SCAI: variants seen among roughly 807,000 people sequenced by gnomAD.
The protein encoded by SCAI is suppressor of cancer cell invasion.
A neutral mutation model predicts 92.2 loss-of-function variants in SCAI; 24 were observed. That is an observed-to-expected ratio of 0.26 (90% CI 0.19 to 0.37). The LOEUF (loss-of-function observed/expected upper bound fraction) is 0.37, where lower values mean the gene tolerates loss of function less well. Ranked by LOEUF, SCAI falls within the 10% of genes least tolerant of loss-of-function variation. The probability of loss-of-function intolerance (pLI) is 1.00; values close to 1 mark genes in which losing one functional copy is unlikely to be tolerated. For synonymous variants in SCAI, 261 were observed against 258.6 expected, an observed-to-expected ratio of 1.01 and a Z score of -0.09; for missense variants, 450 against 736.2, an observed-to-expected ratio of 0.61 and a Z score of 4.50.
chr9:125,015,037 T>A (rs886926731), intron 9 of SCAI, among the ~76,000 whole-genome samples: 26 of 152,106 alleles, frequency 1.7e-4, no homozygotes, highest in Non-Finnish European at 3.4e-4. Flanking sequence ...TAATTCAAGA[T>A]GGATTAAAGA....
At chr9:125,040,632 A>G (rs2131107845) in intron 3 of SCAI, among the ~76,000 whole-genome samples, 1 of 151,526 alleles carries the variant, frequency 6.6e-6, no homozygotes, top group Non-Finnish European at 1.5e-5. Context: ...TTGTTTATTT[A>G]TTTATTTATT....
At chr9:125,059,959 A>T (rs957541276) in intron 2 of SCAI, among the ~76,000 whole-genome samples, 2 of 152,240 alleles carry the variant, frequency 1.3e-5, no homozygotes, top group African/African-American at 4.8e-5. Context: ...TCATAGTTGA[A>T]GACAGCATTC....
At chr9:125,139,717 G>A (rs1035764868) in intron 2 of SCAI, among the ~76,000 whole-genome samples, 1 of 152,148 alleles carries the variant, frequency 6.6e-6, no homozygotes, top group African/African-American at 2.4e-5. Context: ...GAAGCACAGA[G>A]GGATCCTAAG....
chr9:125,110,292 G>C (rs570982511), intron 2 of SCAI, among the ~76,000 whole-genome samples: 2 of 152,314 alleles, frequency 1.3e-5, no homozygotes, highest in East Asian at 3.9e-4. Context: ...ATATCTGTTA[G>C]AGAAGTAGAT....
chr9:125,113,893 C>T (rs183190238), intron 2 of SCAI, among the ~76,000 whole-genome samples: 3 of 151,882 alleles, frequency 2.0e-5, no homozygotes, highest in African/African-American at 4.8e-5. Flanking sequence ...AAGCGGGAGG[C>T]GGAGTCTGCG....
intron 14 of SCAI, among the ~76,000 whole-genome samples, chr9:124,978,009 T>C (rs890104089): frequency 9.9e-5 from 15 of 152,222 alleles, no homozygotes; most frequent in Admixed American, 8.5e-4. Flanking sequence ...TATGATTAAC[T>C]ATGATTGATA....
rs373125049 is a variant in SCAI at position 124,992,518 on chromosome 9, G to A, written c.1326+2416C>T. Reference sequence around the variant, plus strand: ...CCTGCCTCAGCCTCCCAAGTAGCTGGGACTACAGGTGCACACCACCCCTCC... The same window carrying A: ...CCTGCCTCAGCCTCCCAAGTAGCTGAGACTACAGGTGCACACCACCCCTCC... On this transcript the variant is annotated intron_variant, in intron 14 of 17. Transcript: ENST00000336505. 3.3e-5 allele frequency among the ~76,000 whole-genome samples: 5 copies of A among 151,966 alleles called. No homozygotes were observed. In the South Asian group the frequency reaches 1.0e-3, roughly 32 times the overall value.
intron 3 of SCAI, 134 bp from the exon 4 acceptor site, chr9:125,029,873 T>C (rs948837443): frequency 2.0e-6 from 1 of 500,140 alleles, no homozygotes; most frequent in Non-Finnish European, 3.5e-6. Flanking sequence ...GTTACACTTT[T>C]TGGAGCAGAA....
At chr9:125,073,413 A>AT (rs948724996) in intron 2 of SCAI, among the ~76,000 whole-genome samples, 1 of 151,906 alleles carries the variant, frequency 6.6e-6, no homozygotes, top group African/African-American at 2.4e-5. Context: ...CCTATTTTTA[A>AT]TTTTTTGAGG....
At chr9:125,072,078 C>T (rs887620751) in intron 2 of SCAI, among the ~76,000 whole-genome samples, 5 of 150,362 alleles carry the variant, frequency 3.3e-5, no homozygotes, top group Admixed American at 1.3e-4. Context: ...GGCTGGAGTG[C>T]AGTGGTGCAA....
chr9:125,027,261 T>G (rs563457049), intron 5 of SCAI, among the ~76,000 whole-genome samples: 34 of 152,282 alleles, frequency 2.2e-4, no homozygotes, highest in African/African-American at 8.2e-4. Context: ...CTTTGGCCCA[T>G]TTCTTTAATT....
intron 17 of SCAI, among the ~76,000 whole-genome samples, chr9:124,961,066 GTAAGCT>G (rs1271326404): frequency 6.6e-6 from 1 of 151,108 alleles, no homozygotes; most frequent in Non-Finnish European, 1.5e-5. Context: ...TGAGGCTGCA[GTAAGCT>G]ACAATTGCAT....
chr9:125,143,258 C>G (rs958584896), intron 1 of SCAI, 127 bp downstream of exon 1: 1 of 546,970 alleles, frequency 1.8e-6, no homozygotes, highest in Non-Finnish European at 2.7e-6. Context: ...AAGGTCCCCC[C>G]AGCCTGCACC....
chr9:124,975,076 T>C (rs1588126411), intron 15 of SCAI, among the ~76,000 whole-genome samples: 1 of 152,296 alleles, frequency 6.6e-6, no homozygotes, highest in East Asian at 1.9e-4. Context: ...GCTCAGTAAC[T>C]GAAAGAGATT....
chr9:125,077,545 T>C (rs1834115935), intron 2 of SCAI, among the ~76,000 whole-genome samples: 1 of 152,168 alleles, frequency 6.6e-6, no homozygotes, highest in Non-Finnish European at 1.5e-5. Context: ...AAAGTGAATG[T>C]ACCATTTCAC....
chr9:125,090,076 C>A (rs1024180882), intron 2 of SCAI, among the ~76,000 whole-genome samples: 1 of 152,210 alleles, frequency 6.6e-6, no homozygotes, highest in African/African-American at 2.4e-5. Flanking sequence ...AGAAATAAAC[C>A]ATTTCTGTGT....
chr9:125,093,256 G>A (rs1478208514), intron 2 of SCAI, among the ~76,000 whole-genome samples: 1 of 152,076 alleles, frequency 6.6e-6, no homozygotes, highest in Non-Finnish European at 1.5e-5. Context: ...AGCTACTCGG[G>A]AGGCTGAGGC....
chr9:125,073,462 A>G (rs897013573), intron 2 of SCAI, among the ~76,000 whole-genome samples: 1 of 152,188 alleles, frequency 6.6e-6, no homozygotes, highest in African/African-American at 2.4e-5. Flanking sequence ...GTATCATTTT[A>G]TAGTCCCACC....
At chr9:125,126,571 T>G (rs1387105011) in intron 2 of SCAI, among the ~76,000 whole-genome samples, 1 of 134,162 alleles carries the variant, frequency 7.5e-6, no homozygotes, top group Non-Finnish European at 1.6e-5. Flanking sequence ...GGTGTGGGTG[T>G]GTGTGTGTGT....
Sources: gnomAD v4.1 joint callset for allele counts (sites outside exome capture counted in the v4.1 genomes callset) on GRCh38, gnomAD v4.1.1 for gene constraint, MANE v1.5 for transcripts, NCBI Gene and HGNC (gene_info 2026-07-23, HGNC 2026-07-21) for gene names.